The following PEX19 variants were observed in gnomAD, a reference collection of about 807,000 sequenced individuals.
PEX19 encodes the protein 33 kDa housekeeping protein.
PEX19 carries 29 observed loss-of-function variants against 36.3 expected under a neutral mutation model. The ratio of observed to expected loss-of-function variants is 0.80; its 90% CI spans 0.60 to 1.09. The LOEUF (loss-of-function observed/expected upper bound fraction) is 1.09. Ranked by LOEUF, PEX19 falls within the 50% of genes least tolerant of loss-of-function variation. PEX19 has a pLI of 0.00. For synonymous variants in PEX19, 141 were observed against 135.2 expected, an observed-to-expected ratio of 1.04 and a Z score of -0.30; for missense variants, 396 against 368.1, an observed-to-expected ratio of 1.08 and a Z score of -0.62.
Position 160,280,276 on chromosome 1 carries a change from A to G in PEX19, c.595-30T>C, listed in dbSNP as rs746089326. On this transcript the variant is annotated intron_variant, in intron 5 of 7. Transcript: ENST00000368072. ...GAAAAGAGAGAATGGGTGGAAAAGA[A>G]TTAAGTGAACAATGGATATGGATGG... The G allele has an allele frequency of 2.5e-6, 4 of 1,588,204 alleles. No individual in the cohort carries two copies. In the South Asian group the frequency reaches 4.4e-5, roughly 18 times the overall value.
chr1:160,283,064 C>G lies in PEX19; in HGVS notation c.226G>C (p.Asp76His). The G allele has an allele frequency of 6.2e-7, 1 of 1,614,008 alleles. No individual in the cohort carries two copies. Among genetic ancestry groups the G allele is most frequent in the Non-Finnish European group, 8.5e-7 (1 of 1,180,026 alleles). The change falls in exon 3 of 8, where the codon GAC becomes CAC. Residue 76 changes from aspartate (D) to histidine (H), a missense_variant. Transcript: ENST00000368072. ...SQEKFFQELF[D>H]SELASQATAE... ...GTGGCTTGGGAAGCCAGTTCACTGT[C>G]GAATAGTTCCTGGAAAAACTTCTCT...
At position 160,279,630 on chromosome 1, in the gene PEX19, G is replaced by A; in HGVS notation, c.821C>T (p.Pro274Leu). 2 of 1,613,942 alleles carry A rather than the reference G, an allele frequency of 1.2e-6. No individual in the cohort carries two copies. The highest frequency in any genetic ancestry group is 1.7e-6 in the Non-Finnish European group (2 of 1,179,796). ...GGCATCCAGGTCAAAGTTGAGGCCA[G>A]GAGGCTGGGGAAGAGATGAAGGGAC... ...PPKELAGEMP[P>L]GLNFDLDALN... Residue 274 changes from proline to leucine, a missense_variant, in exon 8 of 8, where the codon CCT becomes CTT. Transcript: ENST00000368072.
chr1:160,279,141 A>G lies in PEX19; in HGVS notation c.*410T>C, dbSNP rs758969380. Reference sequence around the variant, plus strand: ...GAGAACTATAGAAATACAGAGTCCCAGGTCTCTGCCCCTCCTCCCCAGATC... The same window carrying G: ...GAGAACTATAGAAATACAGAGTCCCGGGTCTCTGCCCCTCCTCCCCAGATC... On this transcript the variant is annotated 3_prime_UTR_variant, in exon 8 of 8. Coordinates refer to ENST00000368072, the MANE Select transcript of PEX19 (RefSeq NM_002857.4). 4 of 453,472 alleles carry G rather than the reference A, an allele frequency of 8.8e-6. No individual in the cohort carries two copies. The highest frequency in any genetic ancestry group is 6.2e-5 in the South Asian group (4 of 64,102). The allele number at this position is 453,472 out of a possible 1,614,324, so 28.1% of individuals were successfully genotyped here.
intron 3 of PEX19, 119 bp from the exon 4 acceptor site, chr1:160,282,621 GA>G: frequency 1.2e-6 from 1 of 810,734 alleles, no homozygotes; most frequent in East Asian, 2.6e-5. Flanking sequence ...CCCAATCTTG[GA>G]AAACCCTATG....
chr1:160,279,607 C>T lies in PEX19; in HGVS notation c.844G>A (p.Ala282Thr), dbSNP rs774648401. 1.2e-6 allele frequency: 2 copies of T among 1,614,142 alleles called. No homozygotes were observed. Among genetic ancestry groups the T allele is most frequent in the Non-Finnish European group, 1.7e-6 (2 of 1,179,992 alleles). ...MPPGLNFDLD[A>T]LNLSGPPGAS... Reference sequence around the variant, plus strand: ...CCTGGTGGGCCCGAAAGATTGAGGGCATCCAGGTCAAAGTTGAGGCCAGGA... The same window carrying T: ...CCTGGTGGGCCCGAAAGATTGAGGGTATCCAGGTCAAAGTTGAGGCCAGGA... The change falls in exon 8 of 8, where the codon GCC becomes ACC. Residue 282 changes from alanine (A) to threonine (T), a missense_variant. Ala to Thr is a moderately conservative substitution (Grantham distance 58). Coordinates refer to ENST00000368072, the MANE Select transcript of PEX19 (RefSeq NM_002857.4).
rs1657804380 is a variant in PEX19 at position 160,282,296 on chromosome 1, G to T, written c.433-96C>A. 46 of 1,478,246 alleles carry T rather than the reference G, an allele frequency of 3.1e-5. No homozygotes were observed. In the South Asian group the frequency reaches 5.2e-4, roughly 17 times the overall value. The allele number at this position is 1,478,246 out of a possible 1,614,324, so 91.6% of individuals were successfully genotyped here. The stretch of plus-strand genomic sequence containing the variant: ...AAAGATAAACTATCTAAACTTGCCT[G>T]TAACAAACAATAAGACAGCAACAGA... On this transcript the variant is annotated intron_variant, in intron 4 of 7. Coordinates refer to ENST00000368072, the MANE Select transcript of PEX19 (RefSeq NM_002857.4).
Position 160,283,554 on chromosome 1 carries a change from C to A in PEX19, c.156G>T (p.Lys52Asn). 6.2e-7 allele frequency: 1 copy of A among 1,613,836 alleles called. No individual in the cohort carries two copies. Among genetic ancestry groups the A allele is most frequent in the Non-Finnish European group, 8.5e-7 (1 of 1,179,734 alleles). ...TTAPDASGPQ[K>N]RSPGDTAKDA... The stretch of plus-strand genomic sequence containing the variant: ...CTTTGGCAGTGTCTCCTGGCGATCT[C>A]TTCTGGGGCCCCGAAGCATCAGGGG... The change falls in exon 2 of 8, where the codon AAG becomes AAT. Residue 52 changes from lysine (K) to asparagine (N), a missense_variant. Coordinates refer to ENST00000368072, the MANE Select transcript of PEX19 (RefSeq NM_002857.4).
At chr1:160,281,452 A>T (rs757697087) in intron 5 of PEX19, among the ~76,000 whole-genome samples, 1 of 152,220 alleles carries the variant, frequency 6.6e-6, no homozygotes, top group Non-Finnish European at 1.5e-5. Context: ...TCTGTCACCC[A>T]GGCCGGAGTA....
At chr1:160,283,668 G>T in intron 1 of PEX19, 29 bp from the exon 2 acceptor site, 1 of 1,525,338 alleles carries the variant, frequency 6.6e-7, no homozygotes, top group Non-Finnish European at 9.1e-7. Context: ...TGGTGTGTGT[G>T]TTGGCGACAG....
rs575010126 is a variant in PEX19 at position 160,279,370 on chromosome 1, A to T, written c.*181T>A. The T allele has an allele frequency of 3.4e-5, 24 of 702,390 alleles. No homozygotes were observed. Among genetic ancestry groups the T allele is most frequent in the South Asian group, 3.4e-4 (23 of 67,430 alleles). The allele number at this position is 702,390 out of a possible 1,614,324, so 43.5% of individuals were successfully genotyped here. ...TTCACAGAAATGGCCTGTGAAACAG[A>T]CCCTATTCCTAGAGAGACAGAGGAA... is the stretch of plus-strand genomic sequence containing the variant. On this transcript the variant is annotated 3_prime_UTR_variant, in exon 8 of 8. Coordinates refer to ENST00000368072, the MANE Select transcript of PEX19 (RefSeq NM_002857.4).
rs1657584049 is a variant in PEX19, at chr1:160,277,374, T to C, written c.*2177A>G. The C allele has an allele frequency of 2.2e-6, 1 of 456,068 alleles. No homozygotes were observed. Among genetic ancestry groups the C allele is most frequent in the Non-Finnish European group, 4.4e-6 (1 of 226,792 alleles). The allele number at this position is 456,068 out of a possible 1,614,324, so 28.3% of individuals were successfully genotyped here. A position where few individuals can be genotyped will look rare whatever the true frequency, so the allele number is the denominator to read the frequency against. On this transcript the variant is annotated 3_prime_UTR_variant, in exon 8 of 8. Transcript: ENST00000368072. ...AACTTGCCGGGTCGGCAGCACACAG[T>C]GTGAACTCCATACCTGTCATGGGCA...
rs1557853025 is a variant in PEX19, at chr1:160,279,428, G to A, written c.*123C>T. The stretch of plus-strand genomic sequence containing the variant: ...AGCTGGTATGGCACAATCTTGAATG[G>A]GATGACAGAGGGCAGCGGGCAGACT... On this transcript the variant is annotated 3_prime_UTR_variant, in exon 8 of 8. Coordinates refer to ENST00000368072, the MANE Select transcript of PEX19 (RefSeq NM_002857.4). The A allele has an allele frequency of 1.2e-6, 1 of 815,624 alleles. No individual in the cohort carries two copies. The highest frequency in any genetic ancestry group is 2.4e-5 in the East Asian group (1 of 40,998). 50.5% of individuals were successfully genotyped at this position (815,624 alleles called of 1,614,324 possible). A position where few individuals can be genotyped will look rare whatever the true frequency, so the allele number is the denominator to read the frequency against.
rs1181940345 is a variant in PEX19, at chr1:160,277,109, T to C, written c.*2442A>G. On this transcript the variant is annotated 3_prime_UTR_variant, in exon 8 of 8. Transcript: ENST00000368072. ...AGAGAACAAGAGATACAGGTAGGTA[T>C]CAGTTCTGCTAGGGTCTTCAGAGAG... The C allele has an allele frequency of 2.2e-6, 1 of 453,770 alleles. No homozygotes were observed. Among genetic ancestry groups the C allele is most frequent in the Non-Finnish European group, 4.4e-6 (1 of 226,776 alleles). The allele number at this position is 453,770 out of a possible 1,614,324, so 28.1% of individuals were successfully genotyped here.
chr1:160,284,804 G>A (rs1226615695), intron 1 of PEX19, among the ~76,000 whole-genome samples: 2 of 152,202 alleles, frequency 1.3e-5, no homozygotes, highest in African/African-American at 4.8e-5. Context: ...GAGGTATCAT[G>A]AAACGCCGTC....
chr1:160,283,924 C>G (rs1657891871), intron 1 of PEX19, among the ~76,000 whole-genome samples: 1 of 152,310 alleles, frequency 6.6e-6, no homozygotes, highest in African/African-American at 2.4e-5. Context: ...GCAGAGACAT[C>G]TCCATCTATA....
chr1:160,283,302 C>T (rs1348759441), intron 2 of PEX19, among the ~76,000 whole-genome samples, 193 bp from the exon 3 acceptor site: 1 of 152,186 alleles, frequency 6.6e-6, no homozygotes, highest in Non-Finnish European at 1.5e-5. Flanking sequence ...TATGGGATGG[C>T]ATACCAATCC....
chr1:160,280,534 C>T (rs1423841961), intron 5 of PEX19, among the ~76,000 whole-genome samples: 7 of 149,102 alleles, frequency 4.7e-5, no homozygotes, highest in African/African-American at 1.2e-4. Context: ...TCTTTTTTTT[C>T]GAGACAGAGT....
intron 1 of PEX19, among the ~76,000 whole-genome samples, chr1:160,284,802 A>G (rs970090457): frequency 2.0e-5 from 3 of 152,212 alleles, no homozygotes; most frequent in African/African-American, 7.2e-5. Context: ...AAGAGGTATC[A>G]TGAAACGCCG....
chr1:160,280,243 G>T lies in PEX19; in HGVS notation c.598C>A (p.Pro200Thr). Residue 200 changes from proline (P) to threonine (T), a missense_variant, in exon 6 of 8, where the codon CCA becomes ACA. Coordinates refer to ENST00000368072, the MANE Select transcript of PEX19 (RefSeq NM_002857.4). ...TCCCGATGACTCTGCAACCATTCTG[G>T]ATACTAAGAAAAGAGAGAATGGGTG... The part of the protein sequence containing the change: ...PSLKEITEKY[P>T]EWLQSHRESL... 1 of 1,613,312 alleles carries T rather than the reference G, an allele frequency of 6.2e-7. No homozygotes were observed. Among genetic ancestry groups the T allele is most frequent in the Non-Finnish European group, 8.5e-7 (1 of 1,179,256 alleles).
Sources: gnomAD v4.1 joint callset for allele counts (sites outside exome capture counted in the v4.1 genomes callset) on GRCh38, gnomAD v4.1.1 for gene constraint, MANE v1.5 for transcripts, NCBI Gene and HGNC (gene_info 2026-07-23, HGNC 2026-07-21) for gene names.